ICA1: variants seen among roughly 807,000 people sequenced by gnomAD.
ICA1 encodes 69 kDa islet cell autoantigen.
A neutral mutation model predicts 71.0 loss-of-function variants in ICA1; 40 were observed. The observed-to-expected ratio is 0.56, with a 90% CI of 0.44 to 0.73. ICA1 has a LOEUF of 0.73. Among genes scored for constraint, ICA1 ranks in the 30% least tolerant of loss-of-function variants. ICA1 has a pLI of 0.00. For missense variants in ICA1, 578 were observed against 576.5 expected (o/e 1.00, Z -0.03); for synonymous variants, 207 against 209.5 (o/e 0.99, Z 0.10).
chr7:8,206,778 G>A (rs1266313036), intron 6 of ICA1, among the ~76,000 whole-genome samples: 1 of 148,756 alleles, frequency 6.7e-6, no homozygotes, highest in Non-Finnish European at 1.5e-5. Context: ...GATCCTAAAT[G>A]TAACATATTT....
In ICA1 at chr7:8,222,599, C is replaced by T. The variant is rs1456956322; in HGVS notation, c.257-1201G>A. ...CAAATCCAAAGGTGAAGGCTAAACT[C>T]GATACTGCTACCTTATTAATTTGTG... On this transcript the variant is annotated intron_variant, in intron 4 of 13. Transcript: ENST00000402384. This position sits in a 1 kb window ranked among gnomAD's most constrained non-coding sequence, Gnocchi z 4.8. 2.0e-5 allele frequency among the ~76,000 whole-genome samples: 3 copies of T among 152,268 alleles called. No homozygotes were observed. The highest frequency in any genetic ancestry group is 4.8e-5 in the African/African-American group (2 of 41,548).
intron 6 of ICA1, among the ~76,000 whole-genome samples, chr7:8,206,337 C>T (rs1326300654): frequency 6.6e-6 from 1 of 152,138 alleles, no homozygotes; most frequent in East Asian, 1.9e-4. Context: ...CTTCATCCTC[C>T]AACCTCCTCC....
intron 13 of ICA1, among the ~76,000 whole-genome samples, chr7:8,120,447 G>C (rs539035528): frequency 1.3e-5 from 2 of 152,278 alleles, no homozygotes; most frequent in South Asian, 4.1e-4. Context: ...CAACTGTCTT[G>C]GCTTCTGTCA....
At chr7:8,237,833 C>CACACAA (rs1554373619) in intron 1 of ICA1, among the ~76,000 whole-genome samples, 12 of 151,488 alleles carry the variant, frequency 7.9e-5, no homozygotes, top group Admixed American at 3.3e-4. Flanking sequence ...CACACACACA[C>CACACAA]ACACACACAC....
intron 13 of ICA1, among the ~76,000 whole-genome samples, chr7:8,124,190 G>A (rs551451112): frequency 5.6e-5 from 8 of 143,930 alleles, no homozygotes; most frequent in South Asian, 2.2e-4. Flanking sequence ...GCGGGATCTC[G>A]GCTCACTGCA....
chr7:8,120,583 G>A (rs1031866415), intron 13 of ICA1, among the ~76,000 whole-genome samples: 1 of 152,112 alleles, frequency 6.6e-6, no homozygotes, highest in African/African-American at 2.4e-5. Context: ...GAAAGATGTC[G>A]GCCCATCTCA....
At position 8,132,858 on chromosome 7, in the gene ICA1, C is replaced by G. The variant is rs1038082823; in HGVS notation, c.1061-4716G>C. ...TGGAACTCCATTTGCAAATTCCTGTCTGGGAGCCCTTCTGGGTTTGCCCAT... is the reference window on the plus strand; with the variant it reads ...TGGAACTCCATTTGCAAATTCCTGTGTGGGAGCCCTTCTGGGTTTGCCCAT... On this transcript the variant is annotated intron_variant, in intron 12 of 13. Coordinates refer to ENST00000402384, the MANE Select transcript of ICA1 (RefSeq NM_001136020.3). This position sits in a 1 kb window ranked among gnomAD's most constrained non-coding sequence, Gnocchi z 4.5. Among the ~76,000 whole-genome samples the G allele has an allele frequency of 6.6e-6, 1 of 152,252 alleles. No individual in the cohort carries two copies. The highest frequency in any genetic ancestry group is 6.5e-5 in the Admixed American group (1 of 15,284).
chr7:8,219,643 T>A (rs911323350), intron 5 of ICA1, among the ~76,000 whole-genome samples: 1 of 152,250 alleles, frequency 6.6e-6, no homozygotes, highest in Admixed American at 6.5e-5. Flanking sequence ...AAAGACATTG[T>A]TGTGCCATAA....
At chr7:8,184,099 T>C (rs1225345745) in intron 6 of ICA1, among the ~76,000 whole-genome samples, 1 of 152,242 alleles carries the variant, frequency 6.6e-6, no homozygotes, top group Non-Finnish European at 1.5e-5. Flanking sequence ...TAGCATCTTC[T>C]GCATACAGAA....
rs773353575 is a variant in ICA1 at position 8,226,713 on chromosome 7, G to A, written c.256+1888C>T. Among the ~76,000 whole-genome samples the A allele has an allele frequency of 1.6e-4, 25 of 152,298 alleles. No homozygotes were observed. The highest frequency in any genetic ancestry group is 7.2e-4 in the Admixed American group (11 of 15,288). ...ATGGCATGGCTCATGTGAGCTTAGC[G>A]GGTAGACATAAAAGGGCTTATCTAC... On this transcript the variant is annotated intron_variant, in intron 4 of 13. Coordinates refer to ENST00000402384, the MANE Select transcript of ICA1 (RefSeq NM_001136020.3). This position sits in a 1 kb window ranked among gnomAD's most constrained non-coding sequence, Gnocchi z 4.4.
intron 5 of ICA1, among the ~76,000 whole-genome samples, chr7:8,219,162 T>C (rs895688536): frequency 6.6e-6 from 1 of 152,220 alleles, no homozygotes; most frequent in African/African-American, 2.4e-5. Context: ...TAATGTTGGC[T>C]ATAACATATG....
chr7:8,158,461 A>G, intron 7 of ICA1, 66 bp downstream of exon 7: 1 of 1,583,970 alleles, frequency 6.3e-7, no homozygotes, highest in South Asian at 1.1e-5. Context: ...TAGCTCAAAC[A>G]CCATTTTGAT....
At chr7:8,202,989 T>C (rs1361945353) in intron 6 of ICA1, among the ~76,000 whole-genome samples, 2 of 152,218 alleles carry the variant, frequency 1.3e-5, no homozygotes, top group Admixed American at 1.3e-4. Context: ...GTGATTAACA[T>C]GGGTACATTA....
chr7:8,146,044 T>C (rs1796769523), intron 8 of ICA1, among the ~76,000 whole-genome samples: 1 of 152,176 alleles, frequency 6.6e-6, no homozygotes, highest in Non-Finnish European at 1.5e-5. Context: ...TCATTTTTAA[T>C]GACTCCTATT....
At chr7:8,233,077 G>T (rs554803399) in intron 2 of ICA1, among the ~76,000 whole-genome samples, 1 of 152,162 alleles carries the variant, frequency 6.6e-6, no homozygotes, top group African/African-American at 2.4e-5. Context: ...GCCAGGCAGG[G>T]TGACTGGCCC....
intron 6 of ICA1, among the ~76,000 whole-genome samples, chr7:8,184,946 C>A (rs201260467): frequency 6.6e-6 from 1 of 151,864 alleles, no homozygotes; most frequent in African/African-American, 2.4e-5. Flanking sequence ...TGGTGGCGTG[C>A]GCCTATAGTC....
intron 6 of ICA1, among the ~76,000 whole-genome samples, chr7:8,190,910 T>G (rs1053750649): frequency 6.6e-6 from 1 of 152,152 alleles, no homozygotes; most frequent in African/African-American, 2.4e-5. Context: ...TGCAGAAAAA[T>G]TAAACATTCT....
At chr7:8,192,606 A>G (rs1208407933) in intron 6 of ICA1, among the ~76,000 whole-genome samples, 1 of 152,188 alleles carries the variant, frequency 6.6e-6, no homozygotes, top group East Asian at 1.9e-4. Flanking sequence ...ATCTCATTAA[A>G]CTTCCATCCA....
At position 8,197,574 on chromosome 7, in the gene ICA1, A is replaced by AAATAATAATAAT. The variant is rs56773343; in HGVS notation, c.579+20719_579+20730dup. On this transcript the variant is annotated intron_variant, in intron 6 of 13. Coordinates refer to ENST00000402384, the MANE Select transcript of ICA1 (RefSeq NM_001136020.3). ...AAAAAAAAAAAAAAGAAGAAAGAAG[A>AAATAATAATAAT]AATAATAATAATAATAATAATAATA... is the stretch of plus-strand genomic sequence containing the variant. Among the ~76,000 whole-genome samples, 333 of 129,618 alleles carry AAATAATAATAAT rather than the reference A, an allele frequency of 2.6e-3. 4 individuals are homozygous for AAATAATAATAAT. Among genetic ancestry groups the AAATAATAATAAT allele is most frequent in the Non-Finnish European group, 3.9e-3 (249 of 63,158 alleles). 85.0% of individuals were successfully genotyped at this position (129,618 alleles called of 152,430 possible).
Sources: gnomAD v4.1 joint callset for allele counts (sites outside exome capture counted in the v4.1 genomes callset) on GRCh38, gnomAD v4.1.1 for gene constraint, Gnocchi (gnomAD v3.1) non-coding constraint, MANE v1.5 for transcripts, NCBI Gene and HGNC (gene_info 2026-07-23, HGNC 2026-07-21) for gene names.